The following SLC14A2 variants were observed in gnomAD, a reference collection of about 807,000 sequenced individuals.
SLC14A2 encodes the protein solute carrier family 14 member 2.
A neutral mutation model predicts 104.6 loss-of-function variants in SLC14A2; 91 were observed. The observed-to-expected ratio is 0.87, with a 90% confidence interval of 0.73 to 1.04. SLC14A2 has a LOEUF of 1.04. SLC14A2 is among the 50% of genes least tolerant of loss of function. The pLI is 0.00. For synonymous variants in SLC14A2, 476 were observed against 466.4 expected, an observed-to-expected ratio of 1.02 and a Z score of -0.27; for missense variants, 1,189 against 1,156.0, an observed-to-expected ratio of 1.03 and a Z score of -0.41.
intron 2 of SLC14A2, among the ~76,000 whole-genome samples, chr18:45,522,260 A>T (rs539152744): frequency 3.3e-5 from 5 of 152,306 alleles, no homozygotes; most frequent in East Asian, 1.9e-4. Flanking sequence ...AAAAGGAGGC[A>T]TTTTTTTATG....
chr18:45,642,845 T>C (rs1483908970), intron 8 of SLC14A2, among the ~76,000 whole-genome samples: 3 of 152,244 alleles, frequency 2.0e-5, no homozygotes, highest in East Asian at 1.9e-4. Context: ...TATTGACCCC[T>C]GACTCCATGC....
chr18:45,399,096 CTA>C (rs1362264820), intron 1 of SLC14A2, among the ~76,000 whole-genome samples: 1 of 152,174 alleles, frequency 6.6e-6, no homozygotes, highest in East Asian at 1.9e-4. Context: ...GAAGTAAATT[CTA>C]TGATTGCCCC....
intron 2 of SLC14A2, among the ~76,000 whole-genome samples, chr18:45,530,688 C>A (rs2043670990): frequency 6.6e-6 from 1 of 151,720 alleles, no homozygotes; most frequent in Non-Finnish European, 1.5e-5. Context: ...TTCTGTCTGC[C>A]ACCTTTTCTA....
At chr18:45,396,969 C>T (rs556604397) in intron 1 of SLC14A2, among the ~76,000 whole-genome samples, 1 of 152,154 alleles carries the variant, frequency 6.6e-6, no homozygotes, top group Non-Finnish European at 1.5e-5. Flanking sequence ...CCTCCAGCTC[C>T]ACCCATGTTT....
chr18:45,268,334 CA>C (rs1388492807), intron 1 of SLC14A2, among the ~76,000 whole-genome samples: 1 of 152,224 alleles, frequency 6.6e-6, no homozygotes. Flanking sequence ...AGAAAGACCA[CA>C]AGTAGTTAAA....
At chr18:45,331,595 G>T (rs2085291151) in intron 1 of SLC14A2, among the ~76,000 whole-genome samples, 1 of 151,872 alleles carries the variant, frequency 6.6e-6, no homozygotes, top group Admixed American at 6.6e-5. Flanking sequence ...GGAGGCTGAG[G>T]CAGGAGAATG....
intron 1 of SLC14A2, among the ~76,000 whole-genome samples, chr18:45,271,384 G>A (rs1444708569): frequency 1.3e-5 from 2 of 152,006 alleles, no homozygotes; most frequent in Non-Finnish European, 2.9e-5. Context: ...AGAAAAATCA[G>A]GAAATTTATG....
intron 2 of SLC14A2, among the ~76,000 whole-genome samples, chr18:45,526,841 A>G (rs977864421): frequency 3.3e-5 from 5 of 152,188 alleles, no homozygotes; most frequent in African/African-American, 1.2e-4. Context: ...ATGGACAAGG[A>G]GGGAGTTGCT....
At chr18:45,625,962 CCT>C in intron 3 of SLC14A2, 99 bp downstream of exon 3, 3 of 941,086 alleles carry the variant, frequency 3.2e-6, no homozygotes, top group Non-Finnish European at 4.4e-6. Flanking sequence ...ACTCATTCAC[CCT>C]CACCCTGGGT....
chr18:45,626,618 C>G (rs896576142), intron 3 of SLC14A2, among the ~76,000 whole-genome samples: 55 of 152,084 alleles, frequency 3.6e-4, no homozygotes, highest in African/African-American at 1.1e-3. Context: ...CTTCCCCACC[C>G]TTTCTTTTGG....
At chr18:45,653,664 G>A (rs115826930) in intron 10 of SLC14A2, among the ~76,000 whole-genome samples, 14 of 152,080 alleles carry the variant, frequency 9.2e-5, no homozygotes, top group Non-Finnish European at 1.8e-4. Context: ...GTGGGGGTTC[G>A]TCACACCCTT....
chr18:45,625,240 C>T (rs929209128), intron 2 of SLC14A2, among the ~76,000 whole-genome samples: 1 of 152,246 alleles, frequency 6.6e-6, no homozygotes, highest in South Asian at 2.1e-4. Context: ...TCCTGACTTG[C>T]GATGAGGAGG....
chr18:45,272,647 A>G lies in SLC14A2; in HGVS notation c.-125+59456A>G, dbSNP rs528718685. Among the ~76,000 whole-genome samples the G allele has an allele frequency of 7.9e-5, 12 of 152,218 alleles. No individual in the cohort carries two copies. The South Asian group carries it at 2.1e-3, about 26-fold the overall frequency. The stretch of plus-strand genomic sequence containing the variant: ...GTTGAGGGGTAGATGAGGATGGTTA[A>G]TGGGTACAAAAAATAGAATGAATGA... On this transcript the variant is annotated intron_variant, in intron 1 of 20. Transcript: ENST00000586448.
intron 2 of SLC14A2, among the ~76,000 whole-genome samples, chr18:45,537,025 CCCTCCCTCCCTCCCT>C (rs2043799089): frequency 1.1e-4 from 4 of 36,908 alleles, no homozygotes; most frequent in South Asian, 1.5e-3. Flanking sequence ...TCTCTCCCCT[CCCTCCCTCCCTCCCT>C]CCCTCCCTCC....
At chr18:45,182,956 G>A in the SLC14A2 span, among the ~76,000 whole-genome samples, 1 of 152,216 alleles carries the variant, frequency 6.6e-6, no homozygotes, top group East Asian at 1.9e-4. Context: ...AATCATGAGG[G>A]AATAATTAAA....
the SLC14A2 span, among the ~76,000 whole-genome samples, chr18:45,176,797 C>T: frequency 6.6e-6 from 1 of 152,146 alleles, no homozygotes; most frequent in East Asian, 1.9e-4. Flanking sequence ...TCAGTCCTAA[C>T]CCACTTCTCT....
chr18:45,623,474 T>C (rs2045209100), intron 1 of SLC14A2, among the ~76,000 whole-genome samples: 2 of 152,112 alleles, frequency 1.3e-5, no homozygotes, highest in African/African-American at 2.4e-5. Flanking sequence ...TTGGAGAGGA[T>C]GGTATGGCCA....
chr18:45,321,372 A>G (rs8087973), intron 1 of SLC14A2, among the ~76,000 whole-genome samples: 2,318 of 152,334 alleles, frequency 0.015, 63 homozygotes, highest in African/African-American at 0.053. Flanking sequence ...TCCACAAGAA[A>G]CAATAGCTAG....
chr18:45,354,318 G>T (rs978568479), intron 1 of SLC14A2, among the ~76,000 whole-genome samples: 1 of 152,194 alleles, frequency 6.6e-6, no homozygotes, highest in Non-Finnish European at 1.5e-5. Context: ...TAGACACTGG[G>T]AGGAGGCTGA....
Sources: gnomAD v4.1 joint callset for allele counts (sites outside exome capture counted in the v4.1 genomes callset) on GRCh38, gnomAD v4.1.1 for gene constraint, MANE v1.5 for transcripts, NCBI Gene and HGNC (gene_info 2026-07-23, HGNC 2026-07-21) for gene names.